DPP10: variants seen among roughly 807,000 people sequenced by gnomAD.
DPP10 encodes the protein inactive dipeptidyl peptidase 10.
DPP10 carries 33 observed loss-of-function variants against 120.9 expected under a neutral mutation model. That is an observed-to-expected ratio of 0.27 (90% confidence interval 0.21 to 0.37). The LOEUF is 0.37. Ranked by LOEUF, DPP10 falls within the 10% of genes least tolerant of loss-of-function variation. DPP10 has a pLI of 1.00. For missense variants in DPP10, 816 were observed against 942.8 expected (o/e 0.87, Z 1.76); for synonymous variants, 337 against 326.1 (o/e 1.03, Z -0.36).
At chr2:115,555,217 C>G (rs1214542663) in intron 5 of DPP10, among the ~76,000 whole-genome samples, 3 of 152,192 alleles carry the variant, frequency 2.0e-5, no homozygotes, top group Middle Eastern at 6.8e-3. Flanking sequence ...TTTATATGCT[C>G]TTTCCTGGAA....
chr2:114,963,402 T>C (rs1698789245), intron 1 of DPP10, among the ~76,000 whole-genome samples: 1 of 152,186 alleles, frequency 6.6e-6, no homozygotes, highest in Non-Finnish European at 1.5e-5. Flanking sequence ...AAGCGTAATT[T>C]GCTGTGAGAA....
intron 1 of DPP10, 55 bp downstream of exon 1, chr2:114,442,893 A>G (rs1366602225): frequency 6.3e-7 from 1 of 1,597,754 alleles, no homozygotes. Flanking sequence ...TCATCTACCT[A>G]ACACATGGGC....
intron 21 of DPP10, among the ~76,000 whole-genome samples, chr2:115,820,092 A>G (rs1307622014): frequency 6.6e-6 from 1 of 152,238 alleles, no homozygotes; most frequent in African/African-American, 2.4e-5. Context: ...TTTTATTACC[A>G]TATAGTGAAA....
intron 1 of DPP10, among the ~76,000 whole-genome samples, chr2:115,062,166 G>A (rs6734209): frequency 0.4 from 56,130 of 141,982 alleles, 11,611 homozygotes; most frequent in East Asian, 0.49. Context: ...GTGTGTGTGT[G>A]TGTATGTGTG....
chr2:115,064,913 T>G, intron 1 of DPP10: 4 of 1,185,812 alleles, frequency 3.4e-6, no homozygotes, highest in Non-Finnish European at 4.4e-6. Flanking sequence ...CTATTTTTCT[T>G]TTTTGTTTTA....
At chr2:114,817,895 T>C (rs1685770541) in intron 1 of DPP10, among the ~76,000 whole-genome samples, 1 of 152,200 alleles carries the variant, frequency 6.6e-6, no homozygotes, top group Non-Finnish European at 1.5e-5. Context: ...TATTTTTTAA[T>C]ACTTAAGGAT....
chr2:115,454,822 A>G (rs930236480), intron 3 of DPP10, among the ~76,000 whole-genome samples: 2 of 151,702 alleles, frequency 1.3e-5, no homozygotes, highest in African/African-American at 4.8e-5. Flanking sequence ...TTATGCAGAA[A>G]ATACAAAGAG....
chr2:115,214,333 C>T (rs72839255), intron 1 of DPP10, among the ~76,000 whole-genome samples: 9,093 of 152,230 alleles, frequency 0.06, 422 homozygotes, highest in Non-Finnish European at 0.086. Context: ...GCAGGAGTCC[C>T]TTCTGTCTGG....
At chr2:115,536,159 T>C (rs879926614) in intron 5 of DPP10, among the ~76,000 whole-genome samples, 30 of 152,016 alleles carry the variant, frequency 2.0e-4, no homozygotes, top group Non-Finnish European at 4.1e-4. Flanking sequence ...TCCACCTCCG[T>C]TTTTTAGAGA....
At chr2:115,505,936 T>C (rs925471001) in intron 4 of DPP10, among the ~76,000 whole-genome samples, 2 of 151,978 alleles carry the variant, frequency 1.3e-5, no homozygotes, top group African/African-American at 2.4e-5. Flanking sequence ...TATCAGAACA[T>C]CACATTTTAC....
intron 1 of DPP10, among the ~76,000 whole-genome samples, chr2:114,989,122 C>CTGAGGGG (rs1303843315): frequency 6.6e-6 from 1 of 152,110 alleles, no homozygotes; most frequent in Non-Finnish European, 1.5e-5. Context: ...ACTGGAAGGA[C>CTGAGGGG]TGAGGGGTGA....
intron 5 of DPP10, among the ~76,000 whole-genome samples, chr2:115,575,725 G>C (rs1446732066): frequency 6.6e-6 from 1 of 152,118 alleles, no homozygotes; most frequent in Non-Finnish European, 1.5e-5. Flanking sequence ...ATGGCAAAGG[G>C]GAATTGAGGC....
chr2:115,710,079 C>T (rs532082019), intron 7 of DPP10, among the ~76,000 whole-genome samples: 2 of 152,108 alleles, frequency 1.3e-5, no homozygotes, highest in South Asian at 4.1e-4. Context: ...AGAATGCTTA[C>T]AGACTTCTCA....
At chr2:115,002,754 T>G (rs2105013894) in intron 1 of DPP10, among the ~76,000 whole-genome samples, 1 of 152,094 alleles carries the variant, frequency 6.6e-6, no homozygotes, top group East Asian at 1.9e-4. Flanking sequence ...ACAGGAATAT[T>G]AAAAAATACT....
intron 5 of DPP10, among the ~76,000 whole-genome samples, chr2:115,589,049 A>G (rs1358330915): frequency 6.6e-6 from 1 of 152,208 alleles, no homozygotes; most frequent in Non-Finnish European, 1.5e-5. Context: ...ATTAAAAATG[A>G]CATAGGCATT....
At chr2:114,928,322 G>A (rs1173702592) in intron 1 of DPP10, among the ~76,000 whole-genome samples, 1 of 152,176 alleles carries the variant, frequency 6.6e-6, no homozygotes, top group East Asian at 1.9e-4. Context: ...TATTGTACAG[G>A]CATTAGGTAA....
At chr2:114,715,354 T>A (rs2105883317) in intron 1 of DPP10, among the ~76,000 whole-genome samples, 1 of 152,274 alleles carries the variant, frequency 6.6e-6, no homozygotes, top group East Asian at 1.9e-4. Context: ...GGAAAACTAA[T>A]ACTTTATTCG....
At position 114,748,468 on chromosome 2, in the gene DPP10, A is replaced by T. The variant is rs1367553723; in HGVS notation, c.60+305630A>T. 9.2e-5 allele frequency among the ~76,000 whole-genome samples: 13 copies of T among 141,114 alleles called. No individual in the cohort carries two copies. In the Admixed American group the frequency reaches 9.5e-4, roughly 10 times the overall value. The allele number at this position is 141,114 out of a possible 152,430, so 92.6% of individuals were successfully genotyped here. A position where few individuals can be genotyped will look rare whatever the true frequency, so the allele number is the denominator to read the frequency against. The stretch of plus-strand genomic sequence containing the variant: ...TGCACATTGTGCAGGTTAGTTACAT[A>T]TGTTTACATGTGCCATGCTGGTGCA... On this transcript the variant is annotated intron_variant, in intron 1 of 25. Coordinates refer to ENST00000410059, the MANE Select transcript of DPP10 (RefSeq NM_020868.6).
chr2:114,881,863 C>T (rs1691672083), intron 1 of DPP10, among the ~76,000 whole-genome samples: 1 of 152,070 alleles, frequency 6.6e-6, no homozygotes, highest in African/African-American at 2.4e-5. Context: ...GAGATCTTAA[C>T]AGTCCATAGT....
Sources: allele counts gnomAD v4.1 joint callset (sites outside exome capture counted in the v4.1 genomes callset), GRCh38; gene constraint gnomAD v4.1.1; transcripts MANE v1.5; gene names NCBI Gene and HGNC (gene_info 2026-07-23, HGNC 2026-07-21).